The following LVRN variants were observed in gnomAD, a reference collection of about 807,000 sequenced individuals.
LVRN encodes the protein aminopeptidase Q.
Under a neutral mutation model 111.4 loss-of-function variants are expected in LVRN, and 99 were observed. That is an observed-to-expected ratio of 0.89 (90% confidence interval 0.76 to 1.05). The LOEUF (loss-of-function observed/expected upper bound fraction) is 1.05. Ranked by LOEUF, LVRN falls within the 50% of genes least tolerant of loss-of-function variation. The pLI is 0.00. For missense variants in LVRN, 1,414 were observed against 1,206.8 expected, an observed-to-expected ratio of 1.17 and a Z score of -2.54; for synonymous variants, 488 against 449.5, an observed-to-expected ratio of 1.09 and a Z score of -1.08.
intron 1 of LVRN, among the ~76,000 whole-genome samples, chr5:115,965,873 C>T (rs1035553488): frequency 6.6e-6 from 1 of 152,134 alleles, no homozygotes; most frequent in African/African-American, 2.4e-5. Context: ...GTCAATTAAA[C>T]TCCTTTTCTT....
rs1163205831 is a variant in LVRN, at chr5:116,027,414, A to G, written c.*1296A>G. 1 of 152,164 alleles carries G rather than the reference A, an allele frequency of 6.6e-6. No individual in the cohort carries two copies. The highest frequency in any genetic ancestry group is 6.6e-5 in the Admixed American group (1 of 15,266). The allele number at this position is 152,164 out of a possible 1,614,324, so 9.4% of individuals were successfully genotyped here. On this transcript the variant is annotated 3_prime_UTR_variant, in exon 20 of 20. Coordinates refer to ENST00000357872, the MANE Select transcript of LVRN (RefSeq NM_173800.5). The stretch of plus-strand genomic sequence containing the variant: ...AGGCAGCCATAAATGAAAATACAAA[A>G]CAAACGTTTGCTTTTGTATTTGATT...
At chr5:115,971,616 A>T (rs1316244001) in intron 1 of LVRN, among the ~76,000 whole-genome samples, 1 of 152,060 alleles carries the variant, frequency 6.6e-6, no homozygotes, top group African/African-American at 2.4e-5. Flanking sequence ...TAAAAAAATC[A>T]GTTTTTCATA....
At chr5:115,990,223 T>A (rs965314610) in intron 4 of LVRN, among the ~76,000 whole-genome samples, 7 of 152,280 alleles carry the variant, frequency 4.6e-5, no homozygotes, top group Middle Eastern at 3.4e-3. Flanking sequence ...GAGCTAGGTG[T>A]TTGGGTTATT....
rs1057076321 is a variant in LVRN, at chr5:116,015,599, A to G, written c.2619-29A>G. On this transcript the variant is annotated intron_variant, in intron 17 of 19. Coordinates refer to ENST00000357872, the MANE Select transcript of LVRN (RefSeq NM_173800.5). ...TAACTCTTTATGTTGGATGTTTAAA[A>G]TGTATTTTTTGAAAATGCACTTTTG... The G allele has an allele frequency of 4.4e-6, 7 of 1,584,952 alleles. No homozygotes were observed. In the African/African-American group the frequency reaches 9.5e-5, roughly 21 times the overall value.
At position 116,015,851 on chromosome 5, in the gene LVRN, C is replaced by A. The variant is rs938289633; in HGVS notation, c.2756+86C>A. 6 of 1,519,902 alleles carry A rather than the reference C, an allele frequency of 3.9e-6. No individual in the cohort carries two copies. In the African/African-American group the frequency reaches 8.4e-5, roughly 21 times the overall value. The allele number at this position is 1,519,902 out of a possible 1,614,324, so 94.2% of individuals were successfully genotyped here. ...GCTTTAGTCTAGCTTGGAAGCTCAGCTTTAGTCTAGCTAGGCCACAAACGT... is the reference window on the plus strand; with the variant it reads ...GCTTTAGTCTAGCTTGGAAGCTCAGATTTAGTCTAGCTAGGCCACAAACGT... On this transcript the variant is annotated intron_variant, in intron 18 of 19. Transcript: ENST00000357872.
At chr5:116,015,546 A>G (rs1185177851) in intron 17 of LVRN, 82 bp from the exon 18 acceptor site, 7 of 1,514,198 alleles carry the variant, frequency 4.6e-6, no homozygotes, top group Non-Finnish European at 3.5e-6. Flanking sequence ...CCTTAGAACC[A>G]TGGGATTTTG....
intron 19 of LVRN, 64 bp downstream of exon 19, chr5:116,022,530 A>T: frequency 6.3e-6 from 7 of 1,110,636 alleles, no homozygotes; most frequent in Non-Finnish European, 8.0e-6. Flanking sequence ...TGCAATTTGG[A>T]CTTGCTAAAA....
intron 1 of LVRN, among the ~76,000 whole-genome samples, chr5:115,979,152 G>A (rs980028965): frequency 1.3e-5 from 2 of 152,048 alleles, no homozygotes; most frequent in African/African-American, 4.8e-5. Context: ...GCTCTTGCAA[G>A]GAATGCTCAT....
In LVRN at chr5:115,989,458, G is replaced by A. The variant is rs2112580161; in HGVS notation, c.1105+1519G>A. ...CCTCCTCATCCAGGAAGCCTTCCCT[G>A]ACTTCTTTTCTCACACTTCCACAGT... On this transcript the variant is annotated intron_variant, in intron 4 of 19. Coordinates refer to ENST00000357872, the MANE Select transcript of LVRN (RefSeq NM_173800.5). 1.3e-5 allele frequency among the ~76,000 whole-genome samples: 2 copies of A among 152,234 alleles called. 1 individual carries two copies. Among genetic ancestry groups the A allele is most frequent in the South Asian group, 4.1e-4 (2 of 4,822 alleles).
intron 18 of LVRN, among the ~76,000 whole-genome samples, chr5:116,017,208 G>T (rs1007501802): frequency 6.6e-6 from 1 of 152,208 alleles, no homozygotes; most frequent in East Asian, 1.9e-4. Context: ...ACTAGTCACA[G>T]TAACTGGCAA....
chr5:116,026,181 T>A lies in LVRN; in HGVS notation c.*63T>A, dbSNP rs1748859370. 6.3e-7 allele frequency: 1 copy of A among 1,597,222 alleles called. No homozygotes were observed. The highest frequency in any genetic ancestry group is 1.3e-5 in the African/African-American group (1 of 74,164). On this transcript the variant is annotated 3_prime_UTR_variant, in exon 20 of 20. Coordinates refer to ENST00000357872, the MANE Select transcript of LVRN (RefSeq NM_173800.5). ...AATGTAGTTTGTTCACAGTTTTGTC[T>A]TCCAATACTTTGTGAGTCTGGAAAA...
chr5:116,010,932 C>G (rs2112624567), intron 14 of LVRN, 38 bp downstream of exon 14: 1 of 1,466,374 alleles, frequency 6.8e-7, no homozygotes, highest in South Asian at 1.5e-5. Context: ...TTAAATAAAT[C>G]CTCTCTTCTT....
In LVRN at chr5:115,980,241, AG is replaced by A. The variant is rs1753534857; in HGVS notation, c.696-3045del. Among the ~76,000 whole-genome samples the A allele has an allele frequency of 2.0e-5, 3 of 152,050 alleles. No individual in the cohort carries two copies. In the South Asian group the frequency reaches 6.2e-4, roughly 31 times the overall value. The stretch of plus-strand genomic sequence containing the variant: ...TGAAGTCAAAATATCGTTACAGGGT[AG>A]CTTGAGTCCAAAGCACAGAGAAAAG... On this transcript the variant is annotated intron_variant, in intron 1 of 19. Coordinates refer to ENST00000357872, the MANE Select transcript of LVRN (RefSeq NM_173800.5).
At chr5:115,990,721 AC>A (rs1747967200) in intron 4 of LVRN, among the ~76,000 whole-genome samples, 1 of 151,834 alleles carries the variant, frequency 6.6e-6, no homozygotes, top group African/African-American at 2.4e-5. Flanking sequence ...ACAGGTGCGC[AC>A]CACCATGCCC....
intron 2 of LVRN, among the ~76,000 whole-genome samples, chr5:115,983,661 G>C (rs976013448): frequency 1.3e-5 from 2 of 152,122 alleles, no homozygotes; most frequent in Admixed American, 1.3e-4. Flanking sequence ...TTATAAATGG[G>C]CAGTCTGCCT....
intron 12 of LVRN, 34 bp downstream of exon 12, chr5:116,003,414 A>T (rs1748282828): frequency 1.6e-6 from 2 of 1,271,578 alleles, no homozygotes; most frequent in Non-Finnish European, 2.1e-6. Flanking sequence ...AATTAAATAT[A>T]ATTTATAATG....
chr5:115,962,785 C>A lies in LVRN; in HGVS notation c.168C>A (p.Ala56=). 3 of 1,611,012 alleles carry A rather than the reference C, an allele frequency of 1.9e-6. No individual in the cohort carries two copies. The highest frequency in any genetic ancestry group is 2.5e-6 in the Non-Finnish European group (3 of 1,178,502). Residue 56 remains alanine (A), a synonymous_variant, in exon 1 of 20, where the codon GCC becomes GCA. Coordinates refer to ENST00000357872, the MANE Select transcript of LVRN (RefSeq NM_173800.5). ...SELPGLRDLE[A]ESSPPLRQKP... ...TGCCTGGACTCAGGGACTTGGAAGC[C>A]GAGTCTTCCCCTCCCCTCAGGCAGA...
At chr5:115,984,828 C>A in intron 3 of LVRN, 119 bp downstream of exon 3, 1 of 1,370,680 alleles carries the variant, frequency 7.3e-7, no homozygotes, top group Non-Finnish European at 9.8e-7. Context: ...AGTTCTCTCT[C>A]CCAAGCCCTG....
intron 1 of LVRN, among the ~76,000 whole-genome samples, chr5:115,981,623 A>C (rs1753561568): frequency 6.6e-6 from 1 of 152,172 alleles, no homozygotes; most frequent in African/African-American, 2.4e-5. Context: ...GTACAATTAA[A>C]TTATTTTGAC....
Sources: gnomAD v4.1 joint callset for allele counts (sites outside exome capture counted in the v4.1 genomes callset) on GRCh38, gnomAD v4.1.1 for gene constraint, MANE v1.5 for transcripts, NCBI Gene and HGNC (gene_info 2026-07-23, HGNC 2026-07-21) for gene names.